HSPG2: variants seen among roughly 807,000 people sequenced by gnomAD.
HSPG2 encodes the protein heparan sulfate proteoglycan 2.
A neutral mutation model predicts 526.6 loss-of-function variants in HSPG2; 278 were observed. The ratio of observed to expected loss-of-function variants is 0.53; its 90% CI spans 0.48 to 0.58. The LOEUF (loss-of-function observed/expected upper bound fraction) is 0.58, where lower values mean the gene tolerates loss of function less well. Among genes scored for constraint, HSPG2 ranks in the 20% least tolerant of loss-of-function variants. The pLI is 0.00. For missense variants in HSPG2, 5,354 were observed against 6,099.5 expected (o/e 0.88, Z 4.07); for synonymous variants, 2,465 against 2,555.4 (o/e 0.96, Z 1.07).
intron 13 of HSPG2, among the ~76,000 whole-genome samples, chr1:21,882,709 C>A (rs1015532190): frequency 6.6e-6 from 1 of 152,122 alleles, no homozygotes; most frequent in South Asian, 2.1e-4. Context: ...CCACACAGGG[C>A]CAGTGACTGC....
intron 10 of HSPG2, 76 bp from the exon 11 acceptor site, chr1:21,885,233 G>A: frequency 6.2e-7 from 1 of 1,607,120 alleles, no homozygotes; most frequent in Non-Finnish European, 8.5e-7. Flanking sequence ...GAGGGGCTAG[G>A]AGGGAGAAGG....
In HSPG2 at chr1:21,833,613, A is replaced by G; in HGVS notation, c.10832T>C (p.Leu3611Pro). ...GCTGTCAGGTGGCAGGCTGCCATCC[A>G]GCTGCAAATGCACTAGCACTGAGGG... ...YPTPDISWSK[L>P]DGSLPPDSRL... The change falls in exon 79 of 97, where the codon CTG (leucine) becomes CCG (proline). Residue 3611 changes from leucine (L) to proline (P), a missense_variant and splice_region_variant. Leu to Pro is a moderately conservative substitution (Grantham distance 98). Coordinates refer to ENST00000374695, the MANE Select transcript of HSPG2 (RefSeq NM_005529.7). 1.2e-6 allele frequency: 2 copies of G among 1,614,054 alleles called. No individual in the cohort carries two copies. The highest frequency in any genetic ancestry group is 1.7e-6 in the Non-Finnish European group (2 of 1,179,984).
chr1:21,880,965 G>C, intron 14 of HSPG2, 130 bp from the exon 15 acceptor site: 2 of 987,638 alleles, frequency 2.0e-6, no homozygotes, highest in Non-Finnish European at 3.1e-6. Context: ...GCCAGGCACT[G>C]AGCTAGGCAC....
In HSPG2 at chr1:21,851,712, G is replaced by A. The variant is rs1299520224; in HGVS notation, c.7007-15C>T. 6.2e-6 allele frequency: 10 copies of A among 1,613,956 alleles called. No homozygotes were observed. In the South Asian group the frequency reaches 1.1e-4, roughly 18 times the overall value. Reference sequence around the variant, plus strand: ...GCTGCCGGCAGCTGAGGGATAAGATGGTCACCGGTCACTCCTGTTCTCTGA... The same window carrying A: ...GCTGCCGGCAGCTGAGGGATAAGATAGTCACCGGTCACTCCTGTTCTCTGA... On this transcript the variant is annotated splice_polypyrimidine_tract_variant and intron_variant, in intron 54 of 96. Coordinates refer to ENST00000374695, the MANE Select transcript of HSPG2 (RefSeq NM_005529.7).
In HSPG2 at chr1:21,842,339, G is replaced by A. The variant is rs776477776; in HGVS notation, c.8952C>T (p.Ala2984=). 5.0e-6 allele frequency: 8 copies of A among 1,611,234 alleles called. No homozygotes were observed. The highest frequency in any genetic ancestry group is 5.9e-6 in the Non-Finnish European group (7 of 1,178,510). The change falls in exon 68 of 97, where the codon GCC becomes GCT. Residue 2984 remains alanine (A), a synonymous_variant. Transcript: ENST00000374695. ...SQLRLHLVSP[A]DSGEYVCRAA... ...CACGACACACATACTCGCCTGAGTC[G>A]GCAGGGGAGACGAGGTGGAGCCGCA...
At position 21,867,120 on chromosome 1, in the gene HSPG2, C is replaced by CT. The variant is rs3077631; in HGVS notation, c.4222-1312dup. Among the ~76,000 whole-genome samples, 629 of 123,396 alleles carry CT rather than the reference C, an allele frequency of 5.1e-3. 50 individuals carry two copies. Among genetic ancestry groups the CT allele is most frequent in the African/African-American group, 0.015 (456 of 30,344 alleles). 81.0% of individuals were successfully genotyped at this position (123,396 alleles called of 152,430 possible). On this transcript the variant is annotated intron_variant, in intron 33 of 96. Coordinates refer to ENST00000374695, the MANE Select transcript of HSPG2 (RefSeq NM_005529.7). ...GGGGTCGCCCTATGTTGCTCAGGCACTTTTTTTTTTTTTTAAATAGAGATG... is the reference window on the plus strand; with the variant it reads ...GGGGTCGCCCTATGTTGCTCAGGCACTTTTTTTTTTTTTTTAAATAGAGATG...
Position 21,865,004 on chromosome 1 carries a change from C to T in HSPG2, c.4465G>A (p.Asp1489Asn). 6.3e-7 allele frequency: 1 copy of T among 1,579,570 alleles called. No individual in the cohort carries two copies. Among genetic ancestry groups the T allele is most frequent in the Non-Finnish European group, 8.6e-7 (1 of 1,165,134 alleles). ...EHLLMALADLDELLIRATFSS... is the reference protein window; with the variant it reads ...EHLLMALADLNELLIRATFSS... The stretch of plus-strand genomic sequence containing the variant: ...AACGTGGCCCGGATCAGGAGCTCAT[C>T]CAGGTCGGCCAGTGCCATCAGGAGG... The change falls in exon 36 of 97, where the codon GAT becomes AAT. Residue 1489 changes from aspartate (D) to asparagine (N), a missense_variant. Asp to Asn is a conservative substitution (Grantham distance 23). Coordinates refer to ENST00000374695, the MANE Select transcript of HSPG2 (RefSeq NM_005529.7). This position sits in a 1 kb window ranked among gnomAD's most constrained non-coding sequence, Gnocchi z 5.4.
In HSPG2 at chr1:21,851,579, G is replaced by A; in HGVS notation, c.7125C>T (p.His2375=). Residue 2375 remains histidine, a synonymous_variant, in exon 55 of 97, where the codon CAC becomes CAT. Coordinates refer to ENST00000374695, the MANE Select transcript of HSPG2 (RefSeq NM_005529.7). Reference sequence around the variant, plus strand: ...GGACAGGGAGGCTGCCCCCACGCTTGTGCCACGTGACCTGGGCATGGGACT... The same window carrying A: ...GGACAGGGAGGCTGCCCCCACGCTTATGCCACGTGACCTGGGCATGGGACT... The part of the protein sequence containing the change: ...PGQSHAQVTW[H]KRGGSLPVRH... 6.2e-7 allele frequency: 1 copy of A among 1,614,040 alleles called. No individual in the cohort carries two copies. The highest frequency in any genetic ancestry group is 1.1e-5 in the South Asian group (1 of 91,090).
rs1288744630 is a variant in HSPG2 at position 21,848,974 on chromosome 1, C to T, written c.7504G>A (p.Val2502Met). ...CCTGAGCTGCCGACCACACGGCACA[C>T]GTACTCCCCTGAATCAGCTGGGGTC... ...QVTPADSGEY[V>M]CRVVGSSGTQ... Residue 2502 changes from valine (V) to methionine (M), a missense_variant, in exon 58 of 97, where the codon GTG (valine) becomes ATG (methionine). By Grantham distance (21) the Val-to-Met change is conservative. Coordinates refer to ENST00000374695, the MANE Select transcript of HSPG2 (RefSeq NM_005529.7). The surrounding 1 kb of genome is among the most constrained non-coding windows in gnomAD (Gnocchi z 4.9). The T allele has an allele frequency of 1.3e-5, 21 of 1,614,062 alleles. No individual in the cohort carries two copies. The highest frequency in any genetic ancestry group is 4.0e-5 in the African/African-American group (3 of 75,030).
rs538149978 is a variant in HSPG2 at position 21,864,775 on chromosome 1, C to T, written c.4626+68G>A. ...ATGATGGTAATCAAGGCTGCGGCGA[C>T]GCCGGCTGATTTGCTTGCTGATGCC... is the stretch of plus-strand genomic sequence containing the variant. On this transcript the variant is annotated intron_variant, in intron 36 of 96. Transcript: ENST00000374695. The surrounding 1 kb of genome is among the most constrained non-coding windows in gnomAD (Gnocchi z 4.8). 113 of 1,341,588 alleles carry T rather than the reference C, an allele frequency of 8.4e-5. 3 individuals are homozygous for T. In the South Asian group the frequency reaches 8.9e-4, roughly 11 times the overall value. 83.1% of individuals were successfully genotyped at this position (1,341,588 alleles called of 1,614,324 possible). A position where few individuals can be genotyped will look rare whatever the true frequency, so the allele number is the denominator to read the frequency against.
At chr1:21,892,351 G>A (rs1166966940) in intron 3 of HSPG2, among the ~76,000 whole-genome samples, 2 of 152,262 alleles carry the variant, frequency 1.3e-5, no homozygotes, top group Non-Finnish European at 2.9e-5. Flanking sequence ...CAGCGCGGGC[G>A]AGGAGGCCGG....
chr1:21,906,179 G>A (rs1643369126), intron 1 of HSPG2, among the ~76,000 whole-genome samples: 1 of 152,248 alleles, frequency 6.6e-6, no homozygotes, highest in Admixed American at 6.5e-5. Flanking sequence ...CGCCGATGAT[G>A]CCTGGGACTT....
At position 21,879,123 on chromosome 1, in the gene HSPG2, T is replaced by G; in HGVS notation, c.2344-2A>C. 6.2e-7 allele frequency: 1 copy of G among 1,614,238 alleles called. No homozygotes were observed. The highest frequency in any genetic ancestry group is 8.5e-7 in the Non-Finnish European group (1 of 1,180,036). On this transcript the variant is annotated splice_acceptor_variant, in intron 17 of 96. Coordinates refer to ENST00000374695, the MANE Select transcript of HSPG2 (RefSeq NM_005529.7). LOFTEE classifies it high-confidence loss of function. The stretch of plus-strand genomic sequence containing the variant: ...CCCCTCCGTGTTGTGCTGGCAATTC[T>G]AGAAGAAGGAGGAGGGTATGGCTCA...
chr1:21,832,874 C>T (rs1449990726), intron 80 of HSPG2: 7 of 580,232 alleles, frequency 1.2e-5, no homozygotes, highest in Non-Finnish European at 2.2e-5. Flanking sequence ...CAGAGACTCA[C>T]CCGAGTAGAG....
chr1:21,827,785 G>A, intron 91 of HSPG2, 78 bp downstream of exon 91: 1 of 1,435,902 alleles, frequency 7.0e-7, no homozygotes, highest in Non-Finnish European at 9.5e-7. Context: ...TTTGCTTGCA[G>A]GCCAGAATTG....
chr1:21,923,405 C>A (rs1267236582), intron 1 of HSPG2, among the ~76,000 whole-genome samples: 11 of 147,474 alleles, frequency 7.5e-5, no homozygotes, highest in African/African-American at 2.5e-4. Flanking sequence ...GACTCCGTCT[C>A]AAAAAAAAAA....
chr1:21,866,488 T>A (rs1274054323), intron 33 of HSPG2, among the ~76,000 whole-genome samples: 1 of 152,142 alleles, frequency 6.6e-6, no homozygotes, highest in Admixed American at 6.6e-5. Context: ...CCAGAGAAAG[T>A]CCCTTCTGCA....
chr1:21,892,310 C>T (rs572664104), intron 3 of HSPG2, among the ~76,000 whole-genome samples: 1 of 152,262 alleles, frequency 6.6e-6, no homozygotes, highest in Admixed American at 6.5e-5. Context: ...AGAGTCCCCC[C>T]ACCCAAGCCC....
At position 21,839,395 on chromosome 1, in the gene HSPG2, C is replaced by A; in HGVS notation, c.9865G>T (p.Ala3289Ser). 6.2e-7 allele frequency: 1 copy of A among 1,613,452 alleles called. No individual in the cohort carries two copies. The highest frequency in any genetic ancestry group is 1.7e-5 in the Admixed American group (1 of 60,026). Residue 3289 changes from alanine to serine, a missense_variant, in exon 73 of 97, where the codon GCC (alanine) becomes TCC (serine). Coordinates refer to ENST00000374695, the MANE Select transcript of HSPG2 (RefSeq NM_005529.7). The surrounding 1 kb of genome is among the most constrained non-coding windows in gnomAD (Gnocchi z 4.5). ...CTCTCCACGTGCAGGATGATGGTGG[C>A]CTCAGCGTGCCCAGCAGGGCTAGTG... The part of the protein sequence containing the change: ...NATSPAGHAE[A>S]TIILHVESPP...
Sources: gnomAD v4.1 joint callset for allele counts (sites outside exome capture counted in the v4.1 genomes callset) on GRCh38, gnomAD v4.1.1 for gene constraint, Gnocchi (gnomAD v3.1) non-coding constraint, MANE v1.5 for transcripts, NCBI Gene and HGNC (gene_info 2026-07-23, HGNC 2026-07-21) for gene names.